The following AKT3 variants were observed in gnomAD, a reference collection of about 807,000 sequenced individuals.
AKT3 encodes AKT serine/threonine kinase 3.
Under a neutral mutation model 65.3 loss-of-function variants are expected in AKT3, and 15 were observed. The ratio of observed to expected loss-of-function variants is 0.23; its 90% CI spans 0.15 to 0.35. AKT3 has a LOEUF of 0.35. Among genes scored for constraint, AKT3 ranks in the 10% least tolerant of loss-of-function variants. AKT3 has a pLI of 1.00. For missense variants in AKT3, 243 were observed against 576.5 expected (o/e 0.42, Z 5.92); for synonymous variants, 206 against 183.8 (o/e 1.12, Z -0.98).
chr1:243,603,332 G>A (rs966026637), intron 8 of AKT3, among the ~76,000 whole-genome samples: 1 of 152,136 alleles, frequency 6.6e-6, no homozygotes, highest in African/African-American at 2.4e-5. Flanking sequence ...ACTATTAGAT[G>A]GCAAATCCAA....
At chr1:243,592,196 T>G (rs1292108522) in intron 8 of AKT3, among the ~76,000 whole-genome samples, 1 of 151,430 alleles carries the variant, frequency 6.6e-6, no homozygotes, top group Admixed American at 6.6e-5. Flanking sequence ...TTAGCTGGGC[T>G]TGGTGGCAGG....
chr1:243,812,019 A>G, intron 2 of AKT3, among the ~76,000 whole-genome samples: 1 of 152,220 alleles, frequency 6.6e-6, no homozygotes, highest in South Asian at 2.1e-4. Flanking sequence ...ACAAAAATTA[A>G]TTCAAGATGG....
chr1:243,615,622 G>A (rs965759856), intron 6 of AKT3, among the ~76,000 whole-genome samples: 1 of 152,088 alleles, frequency 6.6e-6, no homozygotes, highest in African/African-American at 2.4e-5. Flanking sequence ...AAATAAATTA[G>A]TTATTAGAAC....
intron 12 of AKT3, among the ~76,000 whole-genome samples, chr1:243,529,752 A>AGTATT (rs1671400428): frequency 6.6e-6 from 1 of 152,200 alleles, no homozygotes; most frequent in Non-Finnish European, 1.5e-5. Flanking sequence ...CTTTTTGCTT[A>AGTATT]GTATTGCCTT....
chr1:243,707,447 G>A (rs1195507281), intron 2 of AKT3, among the ~76,000 whole-genome samples: 1 of 151,998 alleles, frequency 6.6e-6, no homozygotes, highest in Non-Finnish European at 1.5e-5. Flanking sequence ...AATACCAACT[G>A]TCACAGAAAT....
At chr1:243,625,226 G>T (rs172777) in intron 6 of AKT3, among the ~76,000 whole-genome samples, 3,591 of 147,156 alleles carry the variant, frequency 0.024, 168 homozygotes, top group African/African-American at 0.085. Context: ...CTGCCTCCTG[G>T]GTTCCAGTGA....
At chr1:243,554,360 C>G (rs1673272514) in intron 10 of AKT3, among the ~76,000 whole-genome samples, 1 of 152,050 alleles carries the variant, frequency 6.6e-6, no homozygotes, top group Admixed American at 6.6e-5. Flanking sequence ...AGATCCTATG[C>G]TTTTCTAGAA....
intron 13 of AKT3, among the ~76,000 whole-genome samples, chr1:243,492,723 TCA>T (rs1666867272): frequency 6.8e-6 from 1 of 147,882 alleles, no homozygotes; most frequent in African/African-American, 2.5e-5. Context: ...TTCTCCTGCC[TCA>T]GCCTCCCAAG....
chr1:243,752,589 T>C (rs1688875348), intron 2 of AKT3, among the ~76,000 whole-genome samples: 1 of 152,228 alleles, frequency 6.6e-6, no homozygotes, highest in African/African-American at 2.4e-5. Context: ...AGTCTTAGAT[T>C]TGGTATTTTC....
At chr1:243,657,476 A>G (rs909812446) in intron 4 of AKT3, among the ~76,000 whole-genome samples, 1 of 152,228 alleles carries the variant, frequency 6.6e-6, no homozygotes, top group Non-Finnish European at 1.5e-5. Context: ...ACTACAAAAC[A>G]TTGCTGAAAG....
chr1:243,845,564 G>C (rs905377562), intron 1 of AKT3, among the ~76,000 whole-genome samples: 1 of 109,468 alleles, frequency 9.1e-6, no homozygotes. Context: ...GACCGTGCCT[G>C]GGTGCTACAG....
At chr1:243,845,256 G>A (rs1695463900) in intron 1 of AKT3, among the ~76,000 whole-genome samples, 1 of 150,904 alleles carries the variant, frequency 6.6e-6, no homozygotes, top group South Asian at 2.1e-4. Context: ...TGTATTATGA[G>A]GTCACAGGCA....
At chr1:243,511,942 C>T (rs1338029486) in intron 13 of AKT3, among the ~76,000 whole-genome samples, 1 of 152,184 alleles carries the variant, frequency 6.6e-6, no homozygotes, top group Non-Finnish European at 1.5e-5. Context: ...GAGACCAAAA[C>T]TGGCAAAATT....
At chr1:243,612,947 G>A (rs548870405) in intron 8 of AKT3, 4 of 150,424 alleles carry the variant, frequency 2.7e-5, no homozygotes, top group African/African-American at 4.9e-5. Context: ...GCTGAGGCAG[G>A]AGAATCGCTT....
intron 2 of AKT3, among the ~76,000 whole-genome samples, chr1:243,719,465 A>C (rs1686736225): frequency 6.6e-6 from 1 of 152,196 alleles, no homozygotes; most frequent in African/African-American, 2.4e-5. Flanking sequence ...CCTGACTACC[A>C]ATTCCAATTG....
intron 3 of AKT3, among the ~76,000 whole-genome samples, chr1:243,684,619 C>T (rs560631631): frequency 3.3e-5 from 5 of 152,230 alleles, no homozygotes; most frequent in South Asian, 2.1e-4. Flanking sequence ...AATAAACATA[C>T]GTGTGCATGT....
intron 2 of AKT3, chr1:243,702,856 ATTC>A (rs1685554932): frequency 1.3e-5 from 2 of 152,198 alleles, no homozygotes; most frequent in Non-Finnish European, 2.9e-5. Context: ...CAGAAGTCAG[ATTC>A]TTCTGAATTT....
intron 2 of AKT3, among the ~76,000 whole-genome samples, chr1:243,837,575 T>C (rs1236283460): frequency 6.6e-6 from 1 of 152,152 alleles, no homozygotes; most frequent in Admixed American, 6.5e-5. Flanking sequence ...AAATACACCA[T>C]GACCAAATGG....
At chr1:243,704,635 C>T (rs777161826) in intron 2 of AKT3, among the ~76,000 whole-genome samples, 19 of 152,030 alleles carry the variant, frequency 1.2e-4, no homozygotes, top group Non-Finnish European at 2.1e-4. Context: ...AGAATATCAG[C>T]GTAGGATTCT....
Sources: allele counts gnomAD v4.1 joint callset (sites outside exome capture counted in the v4.1 genomes callset), GRCh38; gene constraint gnomAD v4.1.1; transcripts MANE v1.5; gene names NCBI Gene and HGNC (gene_info 2026-07-23, HGNC 2026-07-21).